LPIN1: variants seen among roughly 807,000 people sequenced by gnomAD.
LPIN1 encodes the protein lipin 1.
A neutral mutation model predicts 107.5 loss-of-function variants in LPIN1; 71 were observed. The ratio of observed to expected loss-of-function variants is 0.66; its 90% CI spans 0.55 to 0.80. The LOEUF (loss-of-function observed/expected upper bound fraction) is 0.80, where lower values mean the gene tolerates loss of function less well. Among genes scored for constraint, LPIN1 ranks in the 30% least tolerant of loss-of-function variants. LPIN1 has a pLI of 0.00. For synonymous variants in LPIN1, 445 were observed against 452.6 expected, an observed-to-expected ratio of 0.98 and a Z score of 0.21; for missense variants, 1,043 against 1,160.6, an observed-to-expected ratio of 0.90 and a Z score of 1.47.
intron 1 of LPIN1, among the ~76,000 whole-genome samples, chr2:11,712,116 C>A (rs71446429): frequency 6.6e-6 from 1 of 152,262 alleles, no homozygotes; most frequent in African/African-American, 2.4e-5. Flanking sequence ...TCACTCACCC[C>A]TGCCTCCTTG....
chr2:11,752,331 TTTAA>T (rs1264466200), intron 1 of LPIN1, among the ~76,000 whole-genome samples: 1 of 152,172 alleles, frequency 6.6e-6, no homozygotes, highest in Non-Finnish European at 1.5e-5. Context: ...TTCCTGTATC[TTTAA>T]TTATGAATGG....
intron 1 of LPIN1, among the ~76,000 whole-genome samples, chr2:11,687,103 T>C (rs1662049797): frequency 6.7e-6 from 1 of 148,428 alleles, no homozygotes; most frequent in African/African-American, 2.5e-5. Context: ...GCTCAAGTGG[T>C]CCTCCCACCT....
intron 1 of LPIN1, among the ~76,000 whole-genome samples, chr2:11,690,134 T>C (rs1422462624): frequency 1.3e-5 from 2 of 152,240 alleles, no homozygotes; most frequent in Admixed American, 1.3e-4. Flanking sequence ...AAAATGTTAA[T>C]TATAATATGT....
intron 17 of LPIN1, among the ~76,000 whole-genome samples, chr2:11,809,306 A>G (rs1330992142): frequency 3.9e-5 from 6 of 152,226 alleles, no homozygotes; most frequent in Non-Finnish European, 7.3e-5. Flanking sequence ...GTGACTTAGA[A>G]AAAAGAACAC....
chr2:11,677,716 G>T (rs1042665198), exon 1 of LPIN1: 3 of 1,535,612 alleles, frequency 2.0e-6, no homozygotes, highest in South Asian at 2.4e-5. Context: ...CCCCAGACTC[G>T]GCTTGGTCAT....
chr2:11,821,551 A>C (rs1026271415), intron 20 of LPIN1, among the ~76,000 whole-genome samples: 1 of 152,188 alleles, frequency 6.6e-6, no homozygotes, highest in Non-Finnish European at 1.5e-5. Flanking sequence ...TAGTGGCCCC[A>C]GATAGCCCGA....
At chr2:11,820,343 A>T in intron 19 of LPIN1, 68 bp from the exon 20 acceptor site, 2 of 1,002,956 alleles carry the variant, frequency 2.0e-6, no homozygotes, top group Middle Eastern at 2.0e-4. Context: ...AATCAGAAAT[A>T]CCATGGACTT....
chr2:11,775,689 A>T (rs868629916), intron 5 of LPIN1, among the ~76,000 whole-genome samples: 17 of 152,200 alleles, frequency 1.1e-4, no homozygotes, highest in Admixed American at 2.6e-4. Context: ...GTCATTTGGC[A>T]GTTTCCTGCT....
At chr2:11,802,157 C>A (rs1677868074) in intron 14 of LPIN1, among the ~76,000 whole-genome samples, 1 of 152,260 alleles carries the variant, frequency 6.6e-6, no homozygotes, top group South Asian at 2.1e-4. Flanking sequence ...GGAGGCAGAG[C>A]TGATACTACT....
intron 1 of LPIN1, among the ~76,000 whole-genome samples, chr2:11,689,890 G>A (rs937620576): frequency 2.6e-5 from 4 of 152,226 alleles, no homozygotes; most frequent in Non-Finnish European, 4.4e-5. Context: ...GGGTGACAGG[G>A]TGAGACTCTG....
At chr2:11,718,390 G>C (rs931297719) in intron 2 of LPIN1, among the ~76,000 whole-genome samples, 2 of 149,446 alleles carry the variant, frequency 1.3e-5, no homozygotes, top group Non-Finnish European at 2.9e-5. Context: ...ACCATGCCCA[G>C]CTAATTTTTT....
intron 1 of LPIN1, among the ~76,000 whole-genome samples, chr2:11,762,299 C>T (rs1189309936): frequency 6.6e-6 from 1 of 152,150 alleles, no homozygotes; most frequent in African/African-American, 2.4e-5. Context: ...GCCACGCGTT[C>T]ACCAACCTGG....
chr2:11,715,996 AG>A (rs1260097401), intron 2 of LPIN1, among the ~76,000 whole-genome samples: 1 of 152,070 alleles, frequency 6.6e-6, no homozygotes, highest in Non-Finnish European at 1.5e-5. Flanking sequence ...ACCTGGAGGC[AG>A]GGGGGCAGCT....
chr2:11,688,435 C>A (rs1662114330), intron 1 of LPIN1, among the ~76,000 whole-genome samples: 1 of 152,228 alleles, frequency 6.6e-6, no homozygotes, highest in Non-Finnish European at 1.5e-5. Context: ...GACTTCAGGA[C>A]TGAGACTCTC....
At chr2:11,820,669 G>T (rs1206286707) in intron 20 of LPIN1, among the ~76,000 whole-genome samples, 155 bp downstream of exon 20, 1 of 151,950 alleles carries the variant, frequency 6.6e-6, no homozygotes, top group African/African-American at 2.4e-5. Context: ...CTTGTATTTT[G>T]TCCAAAACAT....
chr2:11,780,545 C>T (rs1400786178), intron 7 of LPIN1, among the ~76,000 whole-genome samples: 5 of 152,188 alleles, frequency 3.3e-5, no homozygotes, highest in African/African-American at 9.7e-5. Flanking sequence ...TTTCTGGGCC[C>T]TCATTGTTGG....
chr2:11,786,104 T>G lies in LPIN1; in HGVS notation c.1550-970T>G, dbSNP rs933633407. On this transcript the variant is annotated intron_variant, in intron 10 of 20. Transcript: ENST00000674199. This position sits in a 1 kb window ranked among gnomAD's most constrained non-coding sequence, Gnocchi z 4.1. ...ACTGACAAGGCTGGGCACCGTTATCTGAGTGTTATCTCATGGGGCCAGGAT... is the reference window on the plus strand; with the variant it reads ...ACTGACAAGGCTGGGCACCGTTATCGGAGTGTTATCTCATGGGGCCAGGAT... 6.6e-6 allele frequency among the ~76,000 whole-genome samples: 1 copy of G among 152,138 alleles called. No homozygotes were observed. Among genetic ancestry groups the G allele is most frequent in the Non-Finnish European group, 1.5e-5 (1 of 68,018 alleles).
At position 11,763,964 on chromosome 2, in the gene LPIN1, A is replaced by AGTGTGTGTGTGTGTGT. The variant is rs143711712; in HGVS notation, c.-9-1560_-9-1545dup. ...ATTCGGTGACACTGACATATATTTT[A>AGTGTGTGTGTGTGTGT]GTGTGTGTGTGTGTGTGTGTGTGTA... is the stretch of plus-strand genomic sequence containing the variant. On this transcript the variant is annotated intron_variant, in intron 1 of 20. Transcript: ENST00000674199. Among the ~76,000 whole-genome samples the AGTGTGTGTGTGTGTGT allele has an allele frequency of 1.4e-3, 189 of 134,066 alleles. 1 individual carries two copies. The highest frequency in any genetic ancestry group is 4.5e-3 in the African/African-American group (150 of 33,548). The allele number at this position is 134,066 out of a possible 152,430, so 88.0% of individuals were successfully genotyped here.
chr2:11,691,222 A>G (rs2148507442), intron 1 of LPIN1, among the ~76,000 whole-genome samples: 2 of 152,022 alleles, frequency 1.3e-5, no homozygotes, highest in Non-Finnish European at 2.9e-5. Context: ...GTCCGGGGGC[A>G]CAGTCCAGAG....
Sources: allele counts gnomAD v4.1 joint callset (sites outside exome capture counted in the v4.1 genomes callset), GRCh38; gene constraint gnomAD v4.1.1; non-coding constraint Gnocchi (gnomAD v3.1); transcripts MANE v1.5; gene names NCBI Gene and HGNC (gene_info 2026-07-23, HGNC 2026-07-21).